Variants in MSL1 observed in about 807,000 individuals in gnomAD.
MSL1 encodes male-specific lethal 1 homolog.
MSL1 carries 21 observed loss-of-function variants against 64.6 expected under a neutral mutation model. The observed-to-expected ratio is 0.33, with a 90% confidence interval of 0.23 to 0.47. The LOEUF (loss-of-function observed/expected upper bound fraction) is 0.47. Among genes scored for constraint, MSL1 ranks in the 20% least tolerant of loss-of-function variants. The probability of loss-of-function intolerance (pLI) is 1.00; values close to 1 mark genes in which losing one functional copy is unlikely to be tolerated. For missense variants in MSL1, 664 were observed against 793.2 expected (o/e 0.84, Z 1.96); for synonymous variants, 339 against 329.6 (o/e 1.03, Z -0.31).
At position 40,122,785 on chromosome 17, in the gene MSL1, C is replaced by A. The variant is rs978389337; in HGVS notation, c.173C>A (p.Pro58Gln). Residue 58 changes from proline to glutamine, a missense_variant, in exon 1 of 9, where the codon CCG (proline) becomes CAG (glutamine). Pro to Gln is a moderately conservative substitution (Grantham distance 76, BLOSUM62 -1). Transcript: ENST00000398532. This position sits in a 1 kb window ranked among gnomAD's most constrained non-coding sequence, Gnocchi z 4.2. ...RHRKLKEPGPPLASSQGGSPA... is the reference protein window; with the variant it reads ...RHRKLKEPGPQLASSQGGSPA... ...CGTAAGCTCAAGGAGCCGGGGCCCC[C>A]GCTGGCCTCCTCCCAGGGCGGGAGC... 7.3e-7 allele frequency: 1 copy of A among 1,376,956 alleles called. No individual in the cohort carries two copies. The highest frequency in any genetic ancestry group is 1.7e-5 in the South Asian group (1 of 60,248). 85.3% of individuals were successfully genotyped at this position (1,376,956 alleles called of 1,614,324 possible). A position where few individuals can be genotyped will look rare whatever the true frequency, so the allele number is the denominator to read the frequency against.
At chr17:40,133,192 C>G in intron 6 of MSL1, 83 bp downstream of exon 6, 1 of 1,271,706 alleles carries the variant, frequency 7.9e-7, no homozygotes. Context: ...CTCCCTTTTT[C>G]ATGCTGTGGA....
rs1219197784 is a variant in MSL1, at chr17:40,123,092, C to T, written c.480C>T (p.Ala160=). 1 of 1,529,578 alleles carries T rather than the reference C, an allele frequency of 6.5e-7. No individual in the cohort carries two copies. The highest frequency in any genetic ancestry group is 8.7e-7 in the Non-Finnish European group (1 of 1,144,386). 94.8% of individuals were successfully genotyped at this position (1,529,578 alleles called of 1,614,324 possible). The change falls in exon 1 of 9, where the codon GCC becomes GCT. Residue 160 remains alanine, a synonymous_variant. Coordinates refer to ENST00000398532, the MANE Select transcript of MSL1 (RefSeq NM_001365919.1). ...TPWAGDKGGA[A]SPAATASDPA... is the part of the protein sequence containing the mutation. ...GGGCTGGGGACAAGGGTGGGGCGGC[C>T]TCCCCCGCTGCCACCGCCTCGGACC...
intron 3 of MSL1, 120 bp downstream of exon 3, chr17:40,129,747 T>C (rs1988403244): frequency 9.0e-7 from 1 of 1,114,006 alleles, no homozygotes; most frequent in East Asian, 2.7e-5. Context: ...CTGTCAAGAA[T>C]GAGTAAGTTA....
intron 6 of MSL1, 192 bp downstream of exon 6, chr17:40,133,301 C>G: frequency 1.3e-6 from 1 of 747,984 alleles, no homozygotes; most frequent in Non-Finnish European, 2.1e-6. Context: ...TGTTTGGCCT[C>G]TTTTTGTGTA....
chr17:40,128,793 C>G (rs1988379024), intron 2 of MSL1, among the ~76,000 whole-genome samples: 1 of 151,876 alleles, frequency 6.6e-6, no homozygotes, highest in African/African-American at 2.4e-5. Context: ...GGTGGATCAC[C>G]TGAGGTCAGG....
rs1366102438 is a variant in MSL1, at chr17:40,127,670, G to A, written c.992+1264G>A. On this transcript the variant is annotated intron_variant, in intron 2 of 8. Transcript: ENST00000398532. ...ACTTTTTTTAGTTTTTGTAGAGACA[G>A]GCTCTCACTTTGTTTCCCAGGCTGA... Among the ~76,000 whole-genome samples the A allele has an allele frequency of 2.0e-5, 3 of 152,110 alleles. No homozygotes were observed. The East Asian group carries it at 5.8e-4, about 29-fold the overall frequency.
intron 6 of MSL1, 57 bp downstream of exon 6, chr17:40,133,166 T>G (rs74939788): frequency 0.034 from 50,539 of 1,493,382 alleles, 2,397 homozygotes; most frequent in African/African-American, 0.23. Context: ...TAGGACAGAG[T>G]ATCAGGGAAC....
Position 40,122,744 on chromosome 17 carries a change from C to G in MSL1, c.132C>G (p.His44Gln). 6.9e-7 allele frequency: 1 copy of G among 1,444,638 alleles called. No individual in the cohort carries two copies. 89.5% of individuals were successfully genotyped at this position (1,444,638 alleles called of 1,614,324 possible). Residue 44 changes from histidine to glutamine, a missense_variant, in exon 1 of 9, where the codon CAC becomes CAG. His to Gln is a conservative substitution (Grantham distance 24). Transcript: ENST00000398532. This position sits in a 1 kb window ranked among gnomAD's most constrained non-coding sequence, Gnocchi z 4.2. ...ACGAGCCTGGGGCGGCCGAAGCCCA[C>G]TTCCTCCCCCGGCACCGTAAGCTCA... ...PEDEPGAAEAHFLPRHRKLKE... is the reference protein window; with the variant it reads ...PEDEPGAAEAQFLPRHRKLKE...
intron 8 of MSL1, 133 bp downstream of exon 8, chr17:40,134,032 T>C: frequency 1.2e-6 from 1 of 800,342 alleles, no homozygotes; most frequent in Non-Finnish European, 2.1e-6. Flanking sequence ...TGAGGCTACC[T>C]GGGCAACTAG....
chr17:40,125,433 A>G (rs1419642532), intron 1 of MSL1, among the ~76,000 whole-genome samples: 4 of 152,146 alleles, frequency 2.6e-5, no homozygotes, highest in Non-Finnish European at 4.4e-5. Context: ...TTCCTTCTCA[A>G]TGTACTGTTT....
intron 2 of MSL1, 80 bp from the exon 3 acceptor site, chr17:40,129,165 C>A (rs1988387449): frequency 1.6e-5 from 20 of 1,241,990 alleles, no homozygotes; most frequent in Non-Finnish European, 1.9e-5. Context: ...CCAGCTTATT[C>A]TTTTGCTCCA....
chr17:40,133,721 G>A (rs1314216530), intron 7 of MSL1, 63 bp downstream of exon 7: 3 of 1,610,854 alleles, frequency 1.9e-6, no homozygotes, highest in African/African-American at 1.3e-5. Flanking sequence ...AAGGCTCCAG[G>A]GTACAACTTG....
At chr17:40,134,235 C>G (rs1169670046) in intron 8 of MSL1, 44 bp from the exon 9 acceptor site, 1 of 1,500,064 alleles carries the variant, frequency 6.7e-7, no homozygotes, top group Admixed American at 2.0e-5. Context: ...CACACTGAAT[C>G]CCTTCTAGTC....
intron 2 of MSL1, among the ~76,000 whole-genome samples, chr17:40,128,654 T>C (rs952105322): frequency 6.6e-6 from 1 of 150,924 alleles, no homozygotes; most frequent in African/African-American, 2.4e-5. Flanking sequence ...AGTGCTGGGA[T>C]TACAGGCGTG....
intron 2 of MSL1, chr17:40,126,804 CAAA>C (rs571982185): frequency 1.7e-3 from 175 of 105,516 alleles, no homozygotes; most frequent in South Asian, 9.7e-3. Context: ...GAGACTCCGT[CAAA>C]AAAAAAAAAA....
rs576216356 is a variant in MSL1 at position 40,126,225 on chromosome 17, G to A, written c.811G>A (p.Val271Ile). ...ACGTATGGAAAGGCGGATGCAGCTG[G>A]TAAAGAAGGATAACGAGAAAGAAAG... is the stretch of plus-strand genomic sequence containing the variant. ...IERMERRMQL[V>I]KKDNEKERHK... Residue 271 changes from valine (V) to isoleucine (I), a missense_variant, in exon 2 of 9, where the codon GTA (valine) becomes ATA (isoleucine). Around this residue, in one of 4 missense-constraint regions of MSL1, gnomAD observed 466 missense variants for 499.0 expected, o/e 0.93. Transcript: ENST00000398532. 1 of 1,613,976 alleles carries A rather than the reference G, an allele frequency of 6.2e-7. No homozygotes were observed. Among genetic ancestry groups the A allele is most frequent in the Non-Finnish European group, 8.5e-7 (1 of 1,179,888 alleles).
intron 1 of MSL1, 98 bp downstream of exon 1, chr17:40,123,478 G>T: frequency 8.2e-7 from 1 of 1,218,942 alleles, no homozygotes; most frequent in Non-Finnish European, 1.1e-6. Context: ...CCGGGTTAGG[G>T]GTAAAGGAGG....
In MSL1 at chr17:40,122,882, G is replaced by C. The variant is rs752136165; in HGVS notation, c.270G>C (p.Gly90=). ...TACTCCCGGCCGGGGCGGCCCCCGG[G>C]CAGCAGGAAGAGAGCTGGGGCGGTT... ...GLLLPAGAAP[G]QQEESWGGSV... The change falls in exon 1 of 9, where the codon GGG becomes GGC. Residue 90 remains glycine, a synonymous_variant. Coordinates refer to ENST00000398532, the MANE Select transcript of MSL1 (RefSeq NM_001365919.1). The surrounding 1 kb of genome is among the most constrained non-coding windows in gnomAD (Gnocchi z 4.2). The C allele has an allele frequency of 2.8e-5, 39 of 1,408,732 alleles. No homozygotes were observed. In the South Asian group the frequency reaches 4.1e-4, roughly 15 times the overall value. The allele number at this position is 1,408,732 out of a possible 1,614,324, so 87.3% of individuals were successfully genotyped here. A position where few individuals can be genotyped will look rare whatever the true frequency, so the allele number is the denominator to read the frequency against.
chr17:40,133,169 C>T (rs2145136418), intron 6 of MSL1, 60 bp downstream of exon 6: 1 of 1,465,818 alleles, frequency 6.8e-7, no homozygotes. Flanking sequence ...GACAGAGTAT[C>T]AGGGAACCTG....
Sources: gnomAD v4.1 joint callset for allele counts (sites outside exome capture counted in the v4.1 genomes callset) on GRCh38, gnomAD v4.1.1 for gene constraint, gnomAD v4.1.1 regional missense constraint, Gnocchi (gnomAD v3.1) non-coding constraint, MANE v1.5 for transcripts, NCBI Gene and HGNC (gene_info 2026-07-23, HGNC 2026-07-21) for gene names.